Variants in SYT16 observed in about 807,000 individuals in gnomAD.
The protein encoded by SYT16 is synaptotagmin-16.
Under a neutral mutation model 61.4 loss-of-function variants are expected in SYT16, and 42 were observed. The observed-to-expected ratio is 0.68, with a 90% CI of 0.53 to 0.89. The LOEUF (loss-of-function observed/expected upper bound fraction) is 0.89. Among genes scored for constraint, SYT16 ranks in the 40% least tolerant of loss-of-function variants. SYT16 has a pLI of 0.00. For synonymous variants in SYT16, 314 were observed against 302.3 expected (o/e 1.04, Z -0.40); for missense variants, 804 against 807.3 (o/e 1.00, Z 0.05).
At chr14:61,843,886 G>T (rs117761463) in intron 1 of SYT16, among the ~76,000 whole-genome samples, 2,513 of 152,132 alleles carry the variant, frequency 0.017, 41 homozygotes, top group Admixed American at 0.027. Context: ...TGGCTATTCT[G>T]GGTCTTTTGA....
intron 1 of SYT16, among the ~76,000 whole-genome samples, chr14:61,934,184 A>C (rs1206029084): frequency 6.6e-6 from 1 of 152,222 alleles, no homozygotes; most frequent in African/African-American, 2.4e-5. Context: ...TTTAAATCAC[A>C]TAGATATACT....
chr14:62,051,667 T>TC (rs2055306624), intron 3 of SYT16, among the ~76,000 whole-genome samples: 1 of 152,248 alleles, frequency 6.6e-6, no homozygotes, highest in Non-Finnish European at 1.5e-5. Context: ...CTTATTTTTT[T>TC]CTCTTTGGAT....
intron 1 of SYT16, among the ~76,000 whole-genome samples, chr14:61,836,104 G>T (rs929621223): frequency 2.6e-5 from 4 of 152,172 alleles, no homozygotes; most frequent in Non-Finnish European, 4.4e-5. Flanking sequence ...GGTGATTCTG[G>T]TACTTGCTAA....
chr14:61,977,845 G>C (rs1473563070), intron 2 of SYT16, among the ~76,000 whole-genome samples: 1 of 152,116 alleles, frequency 6.6e-6, no homozygotes, highest in Admixed American at 6.6e-5. Flanking sequence ...CTACAAATTT[G>C]TTGTCTTAAA....
At chr14:62,010,892 C>A (rs532017265) in intron 3 of SYT16, among the ~76,000 whole-genome samples, 1 of 152,266 alleles carries the variant, frequency 6.6e-6, no homozygotes, top group African/African-American at 2.4e-5. Context: ...GTAGCCACTG[C>A]AAACCCTATG....
chr14:61,934,526 A>C (rs1249718950), intron 1 of SYT16, among the ~76,000 whole-genome samples: 1 of 152,214 alleles, frequency 6.6e-6, no homozygotes, highest in Non-Finnish European at 1.5e-5. Flanking sequence ...TTGGGACTAC[A>C]CTTGTGGGTA....
intron 6 of SYT16, among the ~76,000 whole-genome samples, 177 bp from the exon 7 acceptor site, chr14:62,084,019 A>T (rs1364250318): frequency 6.6e-6 from 1 of 152,152 alleles, no homozygotes; most frequent in Non-Finnish European, 1.5e-5. Flanking sequence ...TAATGCAGGG[A>T]TCTCATCCGT....
chr14:61,897,885 G>A (rs74671243), intron 1 of SYT16, among the ~76,000 whole-genome samples: 3,753 of 152,166 alleles, frequency 0.025, 56 homozygotes, highest in Admixed American at 0.031. Context: ...TCTTGAGCCC[G>A]GCAGGCTTTG....
At chr14:62,094,108 C>T (rs1379311992) in intron 7 of SYT16, among the ~76,000 whole-genome samples, 1 of 152,074 alleles carries the variant, frequency 6.6e-6, no homozygotes, top group East Asian at 1.9e-4. Flanking sequence ...TATCACTTCT[C>T]ATATTCCATT....
intron 1 of SYT16, among the ~76,000 whole-genome samples, chr14:61,906,646 G>A (rs1028610319): frequency 2.6e-5 from 4 of 152,104 alleles, no homozygotes; most frequent in African/African-American, 9.7e-5. Context: ...TAGCTGTGAT[G>A]TGAAAATTCT....
chr14:61,881,397 G>C (rs2047692559), intron 1 of SYT16, among the ~76,000 whole-genome samples: 1 of 152,146 alleles, frequency 6.6e-6, no homozygotes. Context: ...CTTTTATCTG[G>C]CTTCCGTTTT....
chr14:61,863,644 T>C (rs576586518), intron 1 of SYT16, among the ~76,000 whole-genome samples: 99 of 152,360 alleles, frequency 6.5e-4, no homozygotes, highest in African/African-American at 2.4e-3. Context: ...ATTCTTTCTT[T>C]TGTGGATTGT....
chr14:62,019,861 C>T (rs1299514634), intron 3 of SYT16, among the ~76,000 whole-genome samples: 3 of 152,190 alleles, frequency 2.0e-5, no homozygotes, highest in East Asian at 1.9e-4. Flanking sequence ...CATTTAAAAG[C>T]GCCTATCTGA....
At chr14:61,826,061 TATA>T (rs1182699098) in intron 1 of SYT16, among the ~76,000 whole-genome samples, 1 of 152,146 alleles carries the variant, frequency 6.6e-6, no homozygotes, top group Non-Finnish European at 1.5e-5. Context: ...ATTTTTATTT[TATA>T]ATAATTTGTT....
chr14:62,065,513 T>A (rs188581976), intron 3 of SYT16, among the ~76,000 whole-genome samples: 3 of 152,126 alleles, frequency 2.0e-5, no homozygotes, highest in Admixed American at 6.6e-5. Context: ...TGAAAAAAAA[T>A]CAAGAACCAT....
At chr14:61,902,007 C>T (rs2140359595) in intron 1 of SYT16, among the ~76,000 whole-genome samples, 1 of 152,242 alleles carries the variant, frequency 6.6e-6, no homozygotes, top group African/African-American at 2.4e-5. Context: ...AGGTGATCCA[C>T]CTACCTTGGC....
In SYT16 at chr14:62,006,135, G is replaced by T. The variant is rs74860443; in HGVS notation, c.523+9593G>T. Among the ~76,000 whole-genome samples the T allele has an allele frequency of 4.6e-3, 700 of 152,122 alleles. 16 individuals carry two copies. The East Asian group carries it at 0.052, about 11-fold the overall frequency. On this transcript the variant is annotated intron_variant, in intron 3 of 7. Transcript: ENST00000683842. ...ATACCCTGAGGGCCCTATAAAACTA[G>T]GATATGTGATTGGACTCTCAGCTGT... is the stretch of plus-strand genomic sequence containing the variant.
chr14:61,996,488 G>A lies in SYT16; in HGVS notation c.469G>A (p.Gly157Ser). Residue 157 changes from glycine to serine, a missense_variant, in exon 3 of 8, where the codon GGC (glycine) becomes AGC (serine). Transcript: ENST00000683842. ...LEKQRSGLQH[G>S]FDSQLPGTLE... Reference sequence around the variant, plus strand: ...AAAGCAAAGAAGTGGCCTTCAACATGGCTTTGACAGCCAGCTCCCTGGTAC... The same window carrying A: ...AAAGCAAAGAAGTGGCCTTCAACATAGCTTTGACAGCCAGCTCCCTGGTAC... 1 of 1,612,978 alleles carries A rather than the reference G, an allele frequency of 6.2e-7. No homozygotes were observed. The highest frequency in any genetic ancestry group is 1.1e-5 in the South Asian group (1 of 90,888).
At chr14:61,836,325 A>G (rs745565552) in intron 1 of SYT16, among the ~76,000 whole-genome samples, 6 of 152,280 alleles carry the variant, frequency 3.9e-5, no homozygotes, top group South Asian at 2.1e-4. Flanking sequence ...CTGCATTGCA[A>G]TGGCCCAGAT....
Sources: gnomAD v4.1 joint callset for allele counts (sites outside exome capture counted in the v4.1 genomes callset) on GRCh38, gnomAD v4.1.1 for gene constraint, MANE v1.5 for transcripts, NCBI Gene and HGNC (gene_info 2026-07-23, HGNC 2026-07-21) for gene names.